The following TNR variants were observed in gnomAD, a reference collection of about 807,000 sequenced individuals.
The protein encoded by TNR is tenascin-R.
A neutral mutation model predicts 150.4 loss-of-function variants in TNR; 45 were observed. The ratio of observed to expected loss-of-function variants is 0.30; its 90% confidence interval spans 0.24 to 0.38. The LOEUF (loss-of-function observed/expected upper bound fraction) is 0.38, where lower values mean the gene tolerates loss of function less well. Among genes scored for constraint, TNR ranks in the 10% least tolerant of loss-of-function variants. The probability of loss-of-function intolerance (pLI) is 1.00; values close to 1 mark genes in which losing one functional copy is unlikely to be tolerated. For missense variants in TNR, 1,544 were observed against 1,759.1 expected (o/e 0.88, Z 2.19); for synonymous variants, 687 against 678.4 (o/e 1.01, Z -0.20).
chr1:175,650,792 C>T (rs1308341671), intron 1 of TNR, among the ~76,000 whole-genome samples: 33 of 18,692 alleles, frequency 1.8e-3, no homozygotes, highest in South Asian at 3.4e-3. Flanking sequence ...ACTCCTCCTC[C>T]CCCATCTCAT....
chr1:175,451,728 C>T (rs1571459314), intron 2 of TNR, among the ~76,000 whole-genome samples: 3 of 152,296 alleles, frequency 2.0e-5, no homozygotes, highest in Admixed American at 6.5e-5. Flanking sequence ...CTGCTCCCAG[C>T]TTGGCAGGAT....
chr1:175,685,883 G>C (rs1270198004), intron 1 of TNR, among the ~76,000 whole-genome samples: 1 of 150,412 alleles, frequency 6.6e-6, no homozygotes, highest in Non-Finnish European at 1.5e-5. Flanking sequence ...CTGACACTGT[G>C]GTTCTCATGT....
chr1:175,538,240 A>C (rs1660370695), intron 1 of TNR, among the ~76,000 whole-genome samples: 1 of 152,186 alleles, frequency 6.6e-6, no homozygotes, highest in African/African-American at 2.4e-5. Flanking sequence ...ATCAAAGCAG[A>C]GAGTGGCCAG....
chr1:175,376,670 C>G (rs1363147963), intron 9 of TNR, among the ~76,000 whole-genome samples: 1 of 152,100 alleles, frequency 6.6e-6, no homozygotes, highest in African/African-American at 2.4e-5. Flanking sequence ...ATGGCTCTCC[C>G]TTCTCTTCCC....
chr1:175,407,077 G>A (rs141323175), intron 2 of TNR, among the ~76,000 whole-genome samples: 27 of 152,322 alleles, frequency 1.8e-4, no homozygotes, highest in African/African-American at 6.3e-4. Flanking sequence ...GAGGGCTGGG[G>A]GCTGGGGCCC....
chr1:175,695,664 T>A (rs1005885768), intron 1 of TNR, among the ~76,000 whole-genome samples: 1 of 152,196 alleles, frequency 6.6e-6, no homozygotes, highest in East Asian at 1.9e-4. Context: ...TCTTCCTTAT[T>A]TGAGTCCTAC....
At chr1:175,534,389 A>G (rs1417069031) in intron 1 of TNR, among the ~76,000 whole-genome samples, 1 of 152,198 alleles carries the variant, frequency 6.6e-6, no homozygotes, top group African/African-American at 2.4e-5. Context: ...CACCTCAGAG[A>G]GAGCTGCACA....
At chr1:175,365,361 A>G (rs1651786004) in intron 11 of TNR, 82 bp from the exon 12 acceptor site, 2 of 1,462,570 alleles carry the variant, frequency 1.4e-6, no homozygotes, top group South Asian at 1.4e-5. Flanking sequence ...GGCTAAAGGG[A>G]CCTGCTCTCC....
At chr1:175,643,182 T>C (rs1457723360) in intron 1 of TNR, among the ~76,000 whole-genome samples, 1 of 152,192 alleles carries the variant, frequency 6.6e-6, no homozygotes, top group Non-Finnish European at 1.5e-5. Flanking sequence ...CTGCACCTCT[T>C]TTCAGATAAT....
chr1:175,544,732 C>T (rs74127335), intron 1 of TNR, among the ~76,000 whole-genome samples: 6,499 of 152,182 alleles, frequency 0.043, 154 homozygotes, highest in South Asian at 0.067. Context: ...GTGAAGGAAG[C>T]GATCAAGGAG....
chr1:175,498,008 C>T (rs1035300587), intron 2 of TNR, among the ~76,000 whole-genome samples: 1 of 152,106 alleles, frequency 6.6e-6, no homozygotes, highest in South Asian at 2.1e-4. Context: ...TGCAGTAAGC[C>T]GAGATCATGC....
intron 1 of TNR, among the ~76,000 whole-genome samples, chr1:175,620,059 C>T (rs10913031): frequency 0.45 from 68,278 of 152,018 alleles, 15,938 homozygotes; most frequent in African/African-American, 0.59. Flanking sequence ...TGTTATAATG[C>T]GTAATTTCAC....
chr1:175,630,140 A>G (rs1041389870), intron 1 of TNR, among the ~76,000 whole-genome samples: 1 of 151,898 alleles, frequency 6.6e-6, no homozygotes, highest in Non-Finnish European at 1.5e-5. Context: ...CAGGTGGAAG[A>G]CTCCAGGGGC....
chr1:175,348,229 A>G, intron 18 of TNR, among the ~76,000 whole-genome samples: 1 of 152,188 alleles, frequency 6.6e-6, no homozygotes, highest in South Asian at 2.1e-4. Flanking sequence ...TAAAGGAAAA[A>G]CTTACAACTC....
intron 2 of TNR, among the ~76,000 whole-genome samples, chr1:175,509,708 A>G (rs1659092639): frequency 6.6e-6 from 1 of 152,238 alleles, no homozygotes; most frequent in Non-Finnish European, 1.5e-5. Context: ...AGAGTTAAGA[A>G]TTCATAGTCT....
chr1:175,384,598 C>T (rs1652840987), intron 8 of TNR, among the ~76,000 whole-genome samples: 1 of 152,226 alleles, frequency 6.6e-6, no homozygotes, highest in Non-Finnish European at 1.5e-5. Flanking sequence ...AGGCTCTTGT[C>T]TCTCTTTTGC....
rs185052590 is a variant in TNR at position 175,322,479 on chromosome 1, C to A, written c.*878G>T. The A allele has an allele frequency of 5.9e-5, 9 of 152,284 alleles. No homozygotes were observed. The highest frequency in any genetic ancestry group is 3.9e-4 in the Admixed American group (6 of 15,290). 9.4% of individuals were successfully genotyped at this position (152,284 alleles called of 1,614,324 possible). A position where few individuals can be genotyped will look rare whatever the true frequency, so the allele number is the denominator to read the frequency against. ...TGTCAGAAGATGAGAATCTTTGGCC[C>A]ATTATAAAGGACTTGGGGCTGGATG... On this transcript the variant is annotated 3_prime_UTR_variant, in exon 23 of 23. Coordinates refer to ENST00000367674, the MANE Select transcript of TNR (RefSeq NM_003285.3).
chr1:175,571,512 C>T (rs575618854), intron 1 of TNR, among the ~76,000 whole-genome samples: 4 of 152,312 alleles, frequency 2.6e-5, no homozygotes, highest in South Asian at 2.1e-4. Context: ...CTGGCAAGTG[C>T]CCCAGAGCTT....
At chr1:175,732,927 A>G (rs1667680477) in intron 1 of TNR, among the ~76,000 whole-genome samples, 1 of 152,212 alleles carries the variant, frequency 6.6e-6, no homozygotes, top group Admixed American at 6.5e-5. Flanking sequence ...TTTGCTACTG[A>G]AAATAGAGGT....
Sources: allele counts gnomAD v4.1 joint callset (sites outside exome capture counted in the v4.1 genomes callset), GRCh38; gene constraint gnomAD v4.1.1; transcripts MANE v1.5; gene names NCBI Gene and HGNC (gene_info 2026-07-23, HGNC 2026-07-21).